The following PRDM6 variants were observed in gnomAD, a reference collection of about 807,000 sequenced individuals.
PRDM6 encodes PR/SET domain 6.
In PRDM6, 25 loss-of-function variants were observed where a neutral mutation model predicts 60.8. The observed-to-expected ratio is 0.41, with a 90% CI of 0.30 to 0.57. The LOEUF (loss-of-function observed/expected upper bound fraction) is 0.57. Among genes scored for constraint, PRDM6 ranks in the 20% least tolerant of loss-of-function variants. The probability of loss-of-function intolerance (pLI) is 0.27; values close to 1 mark genes in which losing one functional copy is unlikely to be tolerated. For missense variants in PRDM6, 839 were observed against 821.3 expected, an observed-to-expected ratio of 1.02 and a Z score of -0.26; for synonymous variants, 407 against 357.4, an observed-to-expected ratio of 1.14 and a Z score of -1.57.
Position 123,090,294 on chromosome 5 carries a change from T to G in PRDM6, c.280T>G (p.Ser94Ala), listed in dbSNP as rs750020170. 4 of 1,489,656 alleles carry G rather than the reference T, an allele frequency of 2.7e-6. No homozygotes were observed. Among genetic ancestry groups the G allele is most frequent in the African/African-American group, 1.5e-5 (1 of 68,178 alleles). 92.3% of individuals were successfully genotyped at this position (1,489,656 alleles called of 1,614,324 possible). Residue 94 changes from serine (S) to alanine (A), a missense_variant, in exon 2 of 8, where the codon TCC (serine) becomes GCC (alanine). Around this residue, in one of 2 missense-constraint regions of PRDM6, gnomAD observed 730 missense variants for 648.8 expected, o/e 1.13. Coordinates refer to ENST00000407847, the MANE Select transcript of PRDM6 (RefSeq NM_001136239.4). Reference protein sequence around the residue: ...ASSSTSASSASSCAAAAAAAA... With the variant: ...ASSSTSASSAASCAAAAAAAA... ...CTCTTCCACCTCCGCCTCCTCCGCCTCCTCCTGCGCTGCTGCGGCCGCTGC... is the reference window on the plus strand; with the variant it reads ...CTCTTCCACCTCCGCCTCCTCCGCCGCCTCCTGCGCTGCTGCGGCCGCTGC...
chr5:123,184,187 A>T (rs117497074), intron 7 of PRDM6, among the ~76,000 whole-genome samples: 1 of 152,338 alleles, frequency 6.6e-6, no homozygotes, highest in East Asian at 1.9e-4. Flanking sequence ...GTGGCATATC[A>T]TAGAGGCACA....
At chr5:123,117,770 A>G (rs1260003978) in intron 3 of PRDM6, among the ~76,000 whole-genome samples, 1 of 78,748 alleles carries the variant, frequency 1.3e-5, no homozygotes, top group Non-Finnish European at 2.9e-5. Context: ...CCTAAACAGC[A>G]TTTGCTCATT....
intron 7 of PRDM6, 38 bp from the exon 8 acceptor site, chr5:123,187,049 C>T (rs986807050): frequency 3.6e-5 from 53 of 1,475,192 alleles, no homozygotes; most frequent in Non-Finnish European, 4.3e-5. Context: ...CTGCAGGCCC[C>T]GCTCCCTGGT....
chr5:123,093,337 A>G (rs1482941826), intron 2 of PRDM6, among the ~76,000 whole-genome samples: 1 of 152,200 alleles, frequency 6.6e-6, no homozygotes, highest in African/African-American at 2.4e-5. Flanking sequence ...TCAGCAATAC[A>G]TATCATTGCT....
chr5:123,117,805 A>G (rs116615936), intron 3 of PRDM6, among the ~76,000 whole-genome samples: 669 of 152,358 alleles, frequency 4.4e-3, no homozygotes, highest in Middle Eastern at 6.8e-3. Context: ...AGTGACTATC[A>G]TACCAAGAGC....
At position 123,143,148 on chromosome 5, in the gene PRDM6, A is replaced by AGTGTGTGTGTGTGTGTGTGTGTGT. The variant is rs139092433; in HGVS notation, c.901-12729_901-12706dup. On this transcript the variant is annotated intron_variant, in intron 3 of 7. Coordinates refer to ENST00000407847, the MANE Select transcript of PRDM6 (RefSeq NM_001136239.4). Reference sequence around the variant, plus strand: ...TATGGGATTTGGCAGTAGTTTTTAAAGTGTGTGTGTGTGTGTGTGTGTGTG... The same window carrying AGTGTGTGTGTGTGTGTGTGTGTGT: ...TATGGGATTTGGCAGTAGTTTTTAAAGTGTGTGTGTGTGTGTGTGTGTGTGTGTGTGTGTGTGTGTGTGTGTGTG... Among the ~76,000 whole-genome samples, 579 of 145,944 alleles carry AGTGTGTGTGTGTGTGTGTGTGTGT rather than the reference A, an allele frequency of 4.0e-3. 3 individuals carry two copies. Among genetic ancestry groups the AGTGTGTGTGTGTGTGTGTGTGTGT allele is most frequent in the Middle Eastern group, 7.2e-3 (2 of 278 alleles).
At chr5:123,097,449 T>G (rs1011414732) in intron 2 of PRDM6, among the ~76,000 whole-genome samples, 5 of 152,202 alleles carry the variant, frequency 3.3e-5, no homozygotes, top group African/African-American at 1.2e-4. Context: ...CTCTGCCACT[T>G]TCTAGCTTCT....
intron 3 of PRDM6, among the ~76,000 whole-genome samples, chr5:123,125,539 A>C (rs149402487): frequency 2.6e-5 from 4 of 152,196 alleles, no homozygotes; most frequent in African/African-American, 9.7e-5. Flanking sequence ...CAGAAATTCA[A>C]AGTCTGCTCA....
At chr5:123,147,877 G>A (rs756305616) in intron 3 of PRDM6, among the ~76,000 whole-genome samples, 61 of 152,180 alleles carry the variant, frequency 4.0e-4, no homozygotes, top group Non-Finnish European at 7.5e-4. Context: ...GGCTGCCGCC[G>A]CCTTCAGAGA....
rs1766417447 is a variant in PRDM6, at chr5:123,190,825, T to A, written c.*3624T>A. On this transcript the variant is annotated 3_prime_UTR_variant, in exon 8 of 8. Coordinates refer to ENST00000407847, the MANE Select transcript of PRDM6 (RefSeq NM_001136239.4). ...CCATAAGCAGCATTATTTAAGTGACTATTCATGATAAAATAATATTCTCCT... is the reference window on the plus strand; with the variant it reads ...CCATAAGCAGCATTATTTAAGTGACAATTCATGATAAAATAATATTCTCCT... 6.6e-6 allele frequency: 1 copy of A among 152,228 alleles called. No individual in the cohort carries two copies. The highest frequency in any genetic ancestry group is 6.5e-5 in the Admixed American group (1 of 15,286). 9.4% of individuals were successfully genotyped at this position (152,228 alleles called of 1,614,324 possible).
In PRDM6 at chr5:123,193,889, G is replaced by C. The variant is rs1016562968; in HGVS notation, c.*6688G>C. On this transcript the variant is annotated 3_prime_UTR_variant, in exon 8 of 8. Transcript: ENST00000407847. Reference sequence around the variant, plus strand: ...AACTTTCCACCAAATAAAATGGTTAGAGTGAATGCCCAGTTTCACATCTGC... The same window carrying C: ...AACTTTCCACCAAATAAAATGGTTACAGTGAATGCCCAGTTTCACATCTGC... 2.6e-5 allele frequency: 4 copies of C among 152,246 alleles called. No homozygotes were observed. In the East Asian group the frequency reaches 7.7e-4, roughly 29 times the overall value. 9.4% of individuals were successfully genotyped at this position (152,246 alleles called of 1,614,324 possible). A position where few individuals can be genotyped will look rare whatever the true frequency, so the allele number is the denominator to read the frequency against.
chr5:123,096,471 T>A (rs1445978685), intron 2 of PRDM6, among the ~76,000 whole-genome samples: 1 of 152,220 alleles, frequency 6.6e-6, no homozygotes, highest in Non-Finnish European at 1.5e-5. Context: ...GACTCAGACA[T>A]AAGTTAGAAC....
At chr5:123,169,008 TGAG>T (rs1196735110) in intron 5 of PRDM6, among the ~76,000 whole-genome samples, 1 of 152,244 alleles carries the variant, frequency 6.6e-6, no homozygotes, top group African/African-American at 2.4e-5. Context: ...TGGCACAGCA[TGAG>T]GAGTGCTCCC....
At position 123,136,644 on chromosome 5, in the gene PRDM6, A is replaced by G. The variant is rs542062019; in HGVS notation, c.901-19240A>G. ...CTTATTTGAGAATAAGGGGCTGGAGATGTTATTTGAATTGCTTTTTTAATT... is the reference window on the plus strand; with the variant it reads ...CTTATTTGAGAATAAGGGGCTGGAGGTGTTATTTGAATTGCTTTTTTAATT... On this transcript the variant is annotated intron_variant, in intron 3 of 7. Coordinates refer to ENST00000407847, the MANE Select transcript of PRDM6 (RefSeq NM_001136239.4). 5.3e-5 allele frequency among the ~76,000 whole-genome samples: 8 copies of G among 152,164 alleles called. No individual in the cohort carries two copies. In the South Asian group the frequency reaches 1.2e-3, roughly 24 times the overall value.
intron 5 of PRDM6, among the ~76,000 whole-genome samples, chr5:123,163,288 TAGTG>T (rs1218134612): frequency 7.9e-5 from 12 of 152,250 alleles, no homozygotes; most frequent in African/African-American, 1.9e-4. Flanking sequence ...TGATTTTACT[TAGTG>T]AGTAATATTA....
chr5:123,160,339 A>T (rs562514734), intron 5 of PRDM6, among the ~76,000 whole-genome samples: 1 of 152,350 alleles, frequency 6.6e-6, no homozygotes, highest in East Asian at 1.9e-4. Flanking sequence ...TTATTTGAAA[A>T]GTATTTTAAA....
intron 5 of PRDM6, among the ~76,000 whole-genome samples, chr5:123,169,822 G>T (rs753201704): frequency 6.6e-6 from 1 of 152,068 alleles, no homozygotes. Flanking sequence ...GAATAACTGC[G>T]GCCCAGAGCT....
At chr5:123,176,281 A>C (rs1253646429) in intron 6 of PRDM6, among the ~76,000 whole-genome samples, 3 of 150,914 alleles carry the variant, frequency 2.0e-5, no homozygotes, top group Admixed American at 6.6e-5. Flanking sequence ...AAAAAAAAAA[A>C]AACAAAAAAA....
intron 3 of PRDM6, among the ~76,000 whole-genome samples, chr5:123,112,468 G>A (rs976647137): frequency 2.0e-5 from 3 of 152,174 alleles, no homozygotes; most frequent in Non-Finnish European, 4.4e-5. Context: ...CATTGCTGCT[G>A]TTGATGGAAG....
Sources: allele counts gnomAD v4.1 joint callset (sites outside exome capture counted in the v4.1 genomes callset), GRCh38; gene constraint gnomAD v4.1.1; regional missense constraint gnomAD v4.1.1; transcripts MANE v1.5; gene names NCBI Gene and HGNC (gene_info 2026-07-23, HGNC 2026-07-21).